MYO15A: variants seen among roughly 807,000 people sequenced by gnomAD.
MYO15A encodes the protein myosin XVA.
In MYO15A, 308 loss-of-function variants were observed where a neutral mutation model predicts 394.6. The observed-to-expected ratio is 0.78, with a 90% CI of 0.71 to 0.86. The LOEUF is 0.86. MYO15A is among the 40% of genes least tolerant of loss of function. MYO15A has a pLI of 0.00. For missense variants in MYO15A, 4,606 were observed against 4,799.1 expected, an observed-to-expected ratio of 0.96 and a Z score of 1.19; for synonymous variants, 1,957 against 2,003.8, an observed-to-expected ratio of 0.98 and a Z score of 0.62.
At chr17:18,176,385 C>T (rs2047013276) in intron 65 of MYO15A, among the ~76,000 whole-genome samples, 1 of 151,964 alleles carries the variant, frequency 6.6e-6, no homozygotes, top group Non-Finnish European at 1.5e-5. Flanking sequence ...CCCAAACAGC[C>T]GTCTCTCGTG....
chr17:18,164,425 G>A (rs2142407185), intron 60 of MYO15A: 1 of 174,868 alleles, frequency 5.7e-6, no homozygotes, highest in East Asian at 1.6e-4. Context: ...TCAGTCCTCA[G>A]CCATGTGCCA....
rs576044498 is a variant in MYO15A at position 18,171,131 on chromosome 17, G to A, written c.10083-507G>A. On this transcript the variant is annotated intron_variant, in intron 62 of 65. Transcript: ENST00000647165. Reference sequence around the variant, plus strand: ...GGGGCTGCCTGAGGTAGCAGCCAGCGTATGTCAGAGGGAAGAGGGCTGGGG... The same window carrying A: ...GGGGCTGCCTGAGGTAGCAGCCAGCATATGTCAGAGGGAAGAGGGCTGGGG... Among the ~76,000 whole-genome samples the A allele has an allele frequency of 2.8e-4, 43 of 152,318 alleles. No individual in the cohort carries two copies. In the South Asian group the frequency reaches 6.6e-3, roughly 23 times the overall value.
chr17:18,133,727 G>A (rs1420517856), intron 12 of MYO15A, among the ~76,000 whole-genome samples: 1 of 151,034 alleles, frequency 6.6e-6, no homozygotes, highest in East Asian at 2.0e-4. Flanking sequence ...ACTCCTGTTG[G>A]CTCACTGCAA....
In MYO15A at chr17:18,132,497, C is replaced by T. The variant is rs764113282; in HGVS notation, c.4251C>T (p.Ala1417=). ...ACCACATCTTCTACGAGTTGCTGGC[C>T]GGGTTGCCTGCCCAGCTCAGGCAGG... ...RNYHIFYELL[A]GLPAQLRQAF... The change falls in exon 11 of 66, where the codon GCC becomes GCT. Residue 1417 remains alanine, a synonymous_variant. Coordinates refer to ENST00000647165, the MANE Select transcript of MYO15A (RefSeq NM_016239.4). The surrounding 1 kb of genome is among the most constrained non-coding windows in gnomAD (Gnocchi z 4.6). 1.6e-5 allele frequency: 26 copies of T among 1,613,958 alleles called. No homozygotes were observed. Among genetic ancestry groups the T allele is most frequent in the East Asian group, 1.3e-4 (6 of 44,876 alleles).
rs2046579626 is a variant in MYO15A, at chr17:18,151,397, T to A, written c.7657T>A (p.Ser2553Thr). Residue 2553 changes from serine to threonine, a missense_variant and splice_region_variant, in exon 40 of 66, where the codon TCA (serine) becomes ACA (threonine). Around this residue, in one of 2 missense-constraint regions of MYO15A, gnomAD observed 2,776 missense variants for 3,109.3 expected, o/e 0.89. Transcript: ENST00000647165. The stretch of plus-strand genomic sequence containing the variant: ...CCCACCGCGCCCCTTGCCCACAGCT[T>A]CACCCTCCCCAGAGCTGGTCCGGTA... ...AQDQASPETT[S>T]PSPELVRYST... The A allele has an allele frequency of 2.5e-6, 4 of 1,614,118 alleles. No individual in the cohort carries two copies. The highest frequency in any genetic ancestry group is 3.4e-6 in the Non-Finnish European group (4 of 1,180,004).
intron 7 of MYO15A, 51 bp from the exon 8 acceptor site, chr17:18,130,754 C>G (rs778058026): frequency 1.9e-6 from 3 of 1,611,130 alleles, no homozygotes; most frequent in Non-Finnish European, 1.7e-6. Context: ...GCTAGTGACT[C>G]CATTCTGTTC....
At position 18,156,349 on chromosome 17, in the gene MYO15A, T is replaced by TCACAGATCTTCC. The variant is rs762209636; in HGVS notation, c.8601+15_8601+26dup. ...GGAGCTGAAGAAGGTCAGGATCTTC[T>TCACAGATCTTCC]CACAGATCTTCCCTCCACCCAGGCT... On this transcript the variant is annotated intron_variant, in intron 48 of 65. Transcript: ENST00000647165. 2 of 1,613,770 alleles carry TCACAGATCTTCC rather than the reference T, an allele frequency of 1.2e-6. No individual in the cohort carries two copies. The highest frequency in any genetic ancestry group is 2.2e-5 in the South Asian group (2 of 91,022).
chr17:18,149,967 A>G (rs1472399755), intron 35 of MYO15A: 3 of 313,808 alleles, frequency 9.6e-6, no homozygotes, highest in East Asian at 7.3e-5. Flanking sequence ...AAAAAAAAAA[A>G]AAAAGAAAGG....
intron 7 of MYO15A, among the ~76,000 whole-genome samples, chr17:18,128,160 G>T (rs1342304167): frequency 2.0e-5 from 3 of 152,086 alleles, no homozygotes; most frequent in African/African-American, 7.2e-5. Flanking sequence ...CTGTCGGAGG[G>T]TGACCCCAGA....
chr17:18,144,075 T>C (rs2046433896), intron 28 of MYO15A, 75 bp downstream of exon 28: 1 of 1,598,686 alleles, frequency 6.3e-7, no homozygotes, highest in Non-Finnish European at 8.5e-7. Context: ...GTCCTTGCCC[T>C]GGGGCAGGCT....
Position 18,126,884 on chromosome 17 carries a change from T to A in MYO15A, c.3941+19T>A, listed in dbSNP as rs1021669937. On this transcript the variant is annotated intron_variant, in intron 6 of 65. Coordinates refer to ENST00000647165, the MANE Select transcript of MYO15A (RefSeq NM_016239.4). ...TCATTAGGTGAGTGGGCTGCCTTTA[T>A]GTGGGGGATAAATGGGGGACCTTAG... is the stretch of plus-strand genomic sequence containing the variant. 1 of 1,613,772 alleles carries A rather than the reference T, an allele frequency of 6.2e-7. No individual in the cohort carries two copies. The highest frequency in any genetic ancestry group is 1.7e-5 in the Admixed American group (1 of 60,010).
rs199556087 is a variant in MYO15A at position 18,136,573 on chromosome 17, G to A, written c.4666G>A (p.Ala1556Thr). Residue 1556 changes from alanine (A) to threonine (T), a missense_variant, in exon 15 of 66, where the codon GCC becomes ACC. By Grantham distance (58) the Ala-to-Thr change is moderately conservative (BLOSUM62 0). Coordinates refer to ENST00000647165, the MANE Select transcript of MYO15A (RefSeq NM_016239.4). ...CCACCTCTGCTCCAGGGACGCCATC[G>A]CCAAGGTCTTGTATGCACTGCTGTT... is the stretch of plus-strand genomic sequence containing the variant. ...ESAVDARDAIAKVLYALLFSW... is the reference protein window; with the variant it reads ...ESAVDARDAITKVLYALLFSW... The A allele has an allele frequency of 2.2e-5, 36 of 1,613,876 alleles. No homozygotes were observed. Among genetic ancestry groups the A allele is most frequent in the South Asian group, 8.8e-5 (8 of 91,094 alleles).
rs1263766759 is a variant in MYO15A, at chr17:18,163,765, G to T, written c.9714G>T (p.Glu3238Asp). The T allele has an allele frequency of 1.8e-5, 29 of 1,613,950 alleles. No homozygotes were observed. Among genetic ancestry groups the T allele is most frequent in the Non-Finnish European group, 2.5e-5 (29 of 1,179,912 alleles). ...AGGTGGCCCTGGACGTGGTGGAAGAGATATGTGCTGAGATGGCTCTGACAC... is the reference window on the plus strand; with the variant it reads ...AGGTGGCCCTGGACGTGGTGGAAGATATATGTGCTGAGATGGCTCTGACAC... ...TCTVALDVVE[E>D]ICAEMALTRP... Residue 3238 changes from glutamate to aspartate, a missense_variant, in exon 60 of 66, where the codon GAG becomes GAT. Coordinates refer to ENST00000647165, the MANE Select transcript of MYO15A (RefSeq NM_016239.4).
At position 18,153,143 on chromosome 17, in the gene MYO15A, C is replaced by T. The variant is rs1225937110; in HGVS notation, c.7967-632C>T. ...TTTTGGCTGGGTGTAGTGGCTCACG[C>T]CTGTAATCCCAGCACTTTGGGAGTC... On this transcript the variant is annotated intron_variant, in intron 42 of 65. Coordinates refer to ENST00000647165, the MANE Select transcript of MYO15A (RefSeq NM_016239.4). The surrounding 1 kb of genome is among the most constrained non-coding windows in gnomAD (Gnocchi z 4.1). Among the ~76,000 whole-genome samples, 1 of 152,252 alleles carries T rather than the reference C, an allele frequency of 6.6e-6. No homozygotes were observed. Among genetic ancestry groups the T allele is most frequent in the African/African-American group, 2.4e-5 (1 of 41,470 alleles).
intron 56 of MYO15A, chr17:18,160,736 A>G (rs2046762103): frequency 9.7e-6 from 2 of 206,784 alleles, no homozygotes; most frequent in Admixed American, 1.1e-4. Context: ...CCCAGACACC[A>G]GATATCCCTA....
At position 18,119,580 on chromosome 17, in the gene MYO15A, C is replaced by G; in HGVS notation, c.780C>G (p.Tyr260Ter). ...SLHRYEEQEPYLAGLGPYSPA... is the reference protein window; with the variant it reads ...SLHRYEEQEP ...ACCGCTACGAGGAGCAGGAACCCTA[C>G]CTGGCGGGCCTCGGCCCCTACAGCC... Residue 260 changes from tyrosine to a stop codon, truncating the protein, a stop_gained, in exon 2 of 66, where the codon TAC becomes TAG. Coordinates refer to ENST00000647165, the MANE Select transcript of MYO15A (RefSeq NM_016239.4). LOFTEE classifies it high-confidence loss of function. 1 of 1,605,430 alleles carries G rather than the reference C, an allele frequency of 6.2e-7. No individual in the cohort carries two copies. The highest frequency in any genetic ancestry group is 1.1e-5 in the South Asian group (1 of 91,086).
At chr17:18,166,950 A>T (rs2046863914) in intron 61 of MYO15A, among the ~76,000 whole-genome samples, 1 of 152,166 alleles carries the variant, frequency 6.6e-6, no homozygotes, top group Non-Finnish European at 1.5e-5. Context: ...CTAAGTCAGG[A>T]TCATGGAGTT....
rs1345016291 is a variant in MYO15A at position 18,137,798 on chromosome 17, G to A, written c.4875+119G>A. On this transcript the variant is annotated intron_variant, in intron 16 of 65. Transcript: ENST00000647165. ...ATTCTGACATCAGTAGACAGTAGAG[G>A]GAAAGGCATTCTAAGCTGGGGACCA... is the stretch of plus-strand genomic sequence containing the variant. 5 of 1,189,876 alleles carry A rather than the reference G, an allele frequency of 4.2e-6. No individual in the cohort carries two copies. The African/African-American group carries it at 6.0e-5, about 14-fold the overall frequency. The allele number at this position is 1,189,876 out of a possible 1,614,324, so 73.7% of individuals were successfully genotyped here.
chr17:18,140,499 G>A lies in MYO15A; in HGVS notation c.5212-18G>A. On this transcript the variant is annotated intron_variant, in intron 19 of 65. Transcript: ENST00000647165. ...CGGACCCTGCCTGTCTGTTTTCCCT[G>A]CCCCGACCCCTGCCCAGGTGGTGGC... 6.2e-7 allele frequency: 1 copy of A among 1,613,340 alleles called. No homozygotes were observed. The highest frequency in any genetic ancestry group is 8.5e-7 in the Non-Finnish European group (1 of 1,179,988).
Sources: allele counts gnomAD v4.1 joint callset (sites outside exome capture counted in the v4.1 genomes callset), GRCh38; gene constraint gnomAD v4.1.1; regional missense constraint gnomAD v4.1.1; non-coding constraint Gnocchi (gnomAD v3.1); transcripts MANE v1.5; gene names NCBI Gene and HGNC (gene_info 2026-07-23, HGNC 2026-07-21).